Variants in LRP5 observed in about 807,000 individuals in gnomAD.
LRP5 encodes the protein low-density lipoprotein receptor-related protein 5.
In LRP5, 62 loss-of-function variants were observed where a neutral mutation model predicts 154.1. That is an observed-to-expected ratio of 0.40 (90% CI 0.33 to 0.50). The LOEUF is 0.50. Among genes scored for constraint, LRP5 ranks in the 20% least tolerant of loss-of-function variants. The pLI, the probability that LRP5 is intolerant of heterozygous loss-of-function variation, is 0.55. For missense variants in LRP5, 1,915 were observed against 2,336.7 expected (o/e 0.82, Z 3.72); for synonymous variants, 966 against 1,011.5 (o/e 0.96, Z 0.85).
In LRP5 at chr11:68,324,181, A is replaced by G. The variant is rs1379137643; in HGVS notation, c.91+11376A>G. Among the ~76,000 whole-genome samples the G allele has an allele frequency of 5.3e-5, 8 of 152,244 alleles. No homozygotes were observed. The East Asian group carries it at 1.3e-3, about 26-fold the overall frequency. On this transcript the variant is annotated intron_variant, in intron 1 of 22. Coordinates refer to ENST00000294304, the MANE Select transcript of LRP5 (RefSeq NM_002335.4). Reference sequence around the variant, plus strand: ...TAGTCCTGCCGCAGAGCAGCCCCCAAGTGCGGCGTTGCCTGTCCCTGTGGA... The same window carrying G: ...TAGTCCTGCCGCAGAGCAGCCCCCAGGTGCGGCGTTGCCTGTCCCTGTGGA...
chr11:68,427,639 C>T (rs949527772), intron 16 of LRP5, among the ~76,000 whole-genome samples: 1 of 151,596 alleles, frequency 6.6e-6, no homozygotes, highest in Admixed American at 6.6e-5. Flanking sequence ...AAAATTACGC[C>T]ACTGCACTCC....
chr11:68,436,809 C>T, intron 18 of LRP5, 80 bp from the exon 19 acceptor site: 1 of 1,009,294 alleles, frequency 9.9e-7, no homozygotes, highest in Non-Finnish European at 1.6e-6. Flanking sequence ...GTTTGGAGTC[C>T]AGACCTTGGT....
At chr11:68,299,432 C>G in the LRP5 span, among the ~76,000 whole-genome samples, 2 of 151,802 alleles carry the variant, frequency 1.3e-5, no homozygotes, top group African/African-American at 2.4e-5. Context: ...GAGGTGAGGG[C>G]GGGAGGCAGC....
intron 7 of LRP5, among the ~76,000 whole-genome samples, chr11:68,394,877 C>T (rs182418258): frequency 8.3e-4 from 127 of 152,236 alleles, no homozygotes; most frequent in African/African-American, 2.7e-3. Flanking sequence ...ACAGAAGGGA[C>T]GGAGGTCAGG....
At chr11:68,350,905 T>C (rs1028099239) in intron 2 of LRP5, among the ~76,000 whole-genome samples, 21 of 152,164 alleles carry the variant, frequency 1.4e-4, no homozygotes, top group African/African-American at 4.6e-4. Flanking sequence ...TGTGTGTGTG[T>C]GTGCGTGTGC....
rs150618161 is a variant in LRP5 at position 68,438,528 on chromosome 11, C to T, written c.4194C>T (p.Phe1398=). 79 of 1,614,108 alleles carry T rather than the reference C, an allele frequency of 4.9e-5. No individual in the cohort carries two copies. The highest frequency in any genetic ancestry group is 6.1e-5 in the Non-Finnish European group (72 of 1,180,052). ...GPVIGIILSL[F]VMGGVYFVCQ... is the part of the protein sequence containing the mutation. Reference sequence around the variant, plus strand: ...TCATTGGCATCATCCTCTCTCTCTTCGTCATGGGTGGTGTCTATTTTGTGT... The same window carrying T: ...TCATTGGCATCATCCTCTCTCTCTTTGTCATGGGTGGTGTCTATTTTGTGT... Residue 1398 remains phenylalanine (F), a synonymous_variant, in exon 20 of 23, where the codon TTC becomes TTT. Transcript: ENST00000294304.
intron 9 of LRP5, among the ~76,000 whole-genome samples, chr11:68,408,057 G>T (rs2098656756): frequency 6.6e-6 from 1 of 151,928 alleles, no homozygotes. Context: ...ATTATTCTAT[G>T]ATTTGTTTTC....
chr11:68,398,250 A>G (rs1023868796), intron 7 of LRP5, among the ~76,000 whole-genome samples: 1 of 152,216 alleles, frequency 6.6e-6, no homozygotes, highest in Non-Finnish European at 1.5e-5. Flanking sequence ...GCGACTGTCC[A>G]GAGTCAGCCT....
intron 8 of LRP5, 144 bp from the exon 9 acceptor site, chr11:68,406,380 G>T (rs2098655651): frequency 1.5e-5 from 13 of 857,110 alleles, no homozygotes; most frequent in Non-Finnish European, 2.4e-5. Context: ...CAGCCATGAG[G>T]TCGGACCTGA....
rs771614628 is a variant in LRP5, at chr11:68,436,986, C to T, written c.4098C>T (p.Asp1366=). ...TCCCCGACTGTATCGACGGCTCCGA[C>T]GAGCTCATGTGTGGTGAGCCAGCTT... is the stretch of plus-strand genomic sequence containing the variant. The part of the protein sequence containing the change: ...DSFPDCIDGS[D]ELMCEITKPP... Residue 1366 remains aspartate (D), a synonymous_variant, in exon 19 of 23, where the codon GAC becomes GAT. Coordinates refer to ENST00000294304, the MANE Select transcript of LRP5 (RefSeq NM_002335.4). The T allele has an allele frequency of 1.5e-5, 24 of 1,613,374 alleles. No individual in the cohort carries two copies. Among genetic ancestry groups the T allele is most frequent in the African/African-American group, 6.7e-5 (5 of 74,952 alleles).
rs537362804 is a variant in LRP5 at position 68,400,821 on chromosome 11, G to A, written c.1585-2662G>A. 8.1e-4 allele frequency among the ~76,000 whole-genome samples: 123 copies of A among 152,304 alleles called. 1 individual carries two copies. Among genetic ancestry groups the A allele is most frequent in the African/African-American group, 2.7e-3 (114 of 41,566 alleles). On this transcript the variant is annotated intron_variant, in intron 7 of 22. Transcript: ENST00000294304. ...ATCCCAGCACTTTGGAAGGAAGGCC[G>A]AGATGGGCAGATTGCTTTAGCACAG...
At chr11:68,407,782 GGTTGTGGTGAGCT>G (rs2098656575) in intron 9 of LRP5, among the ~76,000 whole-genome samples, 1 of 152,108 alleles carries the variant, frequency 6.6e-6, no homozygotes, top group Admixed American at 6.5e-5. Flanking sequence ...GGGAGGCGGA[GGTTGTGGTGAGCT>G]GAGATGGCAC....
chr11:68,305,060 G>C, the LRP5 span, among the ~76,000 whole-genome samples: 5 of 152,034 alleles, frequency 3.3e-5, no homozygotes, highest in Middle Eastern at 3.4e-3. Flanking sequence ...AGATCTGGGG[G>C]GCCAGGGGTG....
At chr11:68,396,977 C>T (rs893987032) in intron 7 of LRP5, among the ~76,000 whole-genome samples, 2 of 152,328 alleles carry the variant, frequency 1.3e-5, no homozygotes, top group South Asian at 2.1e-4. Flanking sequence ...CTCTTCTCAC[C>T]GTTTTTCCAG....
intron 16 of LRP5, among the ~76,000 whole-genome samples, chr11:68,428,760 G>A (rs1027589267): frequency 2.1e-5 from 3 of 143,092 alleles, no homozygotes; most frequent in Non-Finnish European, 4.5e-5. Flanking sequence ...TTTCTGGGGG[G>A]CACTATCCAA....
chr11:68,412,301 A>G (rs1203695015), intron 11 of LRP5, among the ~76,000 whole-genome samples: 2 of 151,968 alleles, frequency 1.3e-5, no homozygotes, highest in Admixed American at 1.3e-4. Context: ...TAACAAAGGA[A>G]CCCCCATCCC....
chr11:68,332,286 A>G (rs1056693247), intron 1 of LRP5, among the ~76,000 whole-genome samples: 1 of 152,222 alleles, frequency 6.6e-6, no homozygotes, highest in East Asian at 1.9e-4. Context: ...CATTATTGTC[A>G]TGCAAATGTC....
intron 5 of LRP5, among the ~76,000 whole-genome samples, chr11:68,378,435 AC>A (rs1476045090): frequency 6.6e-6 from 1 of 151,492 alleles, no homozygotes; most frequent in African/African-American, 2.4e-5. Flanking sequence ...CGGTACCCAC[AC>A]CCCAGGGCAA....
intron 5 of LRP5, among the ~76,000 whole-genome samples, chr11:68,372,293 G>A (rs1389392928): frequency 6.8e-6 from 1 of 146,190 alleles, no homozygotes; most frequent in Non-Finnish European, 1.5e-5. Context: ...GGCAGACCCG[G>A]GACTGTGGTG....
Sources: allele counts gnomAD v4.1 joint callset (sites outside exome capture counted in the v4.1 genomes callset), GRCh38; gene constraint gnomAD v4.1.1; transcripts MANE v1.5; gene names NCBI Gene and HGNC (gene_info 2026-07-23, HGNC 2026-07-21).